Variants in CSMD3 observed in about 807,000 individuals in gnomAD.
CSMD3 encodes the protein CUB and sushi domain-containing protein 3.
Under a neutral mutation model 435.2 loss-of-function variants are expected in CSMD3, and 177 were observed. That is an observed-to-expected ratio of 0.41 (90% CI 0.36 to 0.46). CSMD3 has a LOEUF of 0.46. Among genes scored for constraint, CSMD3 ranks in the 20% least tolerant of loss-of-function variants. The probability of loss-of-function intolerance (pLI) is 0.34; values close to 1 mark genes in which losing one functional copy is unlikely to be tolerated. For missense variants in CSMD3, 4,265 were observed against 4,504.6 expected (o/e 0.95, Z 1.52); for synonymous variants, 1,656 against 1,520.5 (o/e 1.09, Z -2.07).
rs1819883224 is a variant in CSMD3, at chr8:112,292,680, A to C, written c.8645T>G (p.Ile2882Ser). The C allele has an allele frequency of 6.2e-7, 1 of 1,613,712 alleles. No individual in the cohort carries two copies. Among genetic ancestry groups the C allele is most frequent in the Non-Finnish European group, 8.5e-7 (1 of 1,179,802 alleles). Residue 2882 changes from isoleucine to serine, a missense_variant, in exon 55 of 71, where the codon ATT (isoleucine) becomes AGT (serine). Ile to Ser is a moderately radical substitution (Grantham distance 142). This residue lies in a region of CSMD3 where 3,255 missense variants were observed against 3,380.2 expected (regional missense o/e 0.96). Coordinates refer to ENST00000297405, the MANE Select transcript of CSMD3 (RefSeq NM_198123.2). The stretch of plus-strand genomic sequence containing the variant: ...CCCATTTCCACTTGTTCTTCCATAA[A>C]TTGGACTACCAGGGTGACCACAGCT... ...PVSCGHPGSP[I>S]YGRTSGNGFN...
chr8:112,958,516 A>C, intron 7 of CSMD3, among the ~76,000 whole-genome samples: 1 of 152,164 alleles, frequency 6.6e-6, no homozygotes, highest in East Asian at 1.9e-4. Flanking sequence ...GTAGTGGATT[A>C]TCACTGTGGC....
chr8:113,042,879 C>A (rs1408309016), intron 5 of CSMD3, among the ~76,000 whole-genome samples: 2 of 152,186 alleles, frequency 1.3e-5, no homozygotes, highest in Admixed American at 1.3e-4. Flanking sequence ...AGGAAGCCAA[C>A]CTCCACGTTG....
chr8:112,994,892 C>A (rs572992050), intron 6 of CSMD3, among the ~76,000 whole-genome samples: 35 of 151,420 alleles, frequency 2.3e-4, no homozygotes, highest in African/African-American at 8.5e-4. Flanking sequence ...ACCAGTGTTA[C>A]AAAAGTCTTT....
At chr8:113,006,199 G>A (rs2086048751) in intron 6 of CSMD3, among the ~76,000 whole-genome samples, 1 of 151,988 alleles carries the variant, frequency 6.6e-6, no homozygotes, top group African/African-American at 2.4e-5. Flanking sequence ...TTCAGTTTGT[G>A]CATACGTCCT....
At chr8:113,372,913 C>G (rs1324407321) in intron 1 of CSMD3, among the ~76,000 whole-genome samples, 4 of 148,326 alleles carry the variant, frequency 2.7e-5, no homozygotes, top group Non-Finnish European at 4.5e-5. Context: ...CGCAGTCCGG[C>G]CTGGGCGACA....
intron 13 of CSMD3, among the ~76,000 whole-genome samples, chr8:112,738,419 A>G (rs1051694011): frequency 1.3e-5 from 2 of 151,822 alleles, no homozygotes; most frequent in African/African-American, 4.8e-5. Context: ...AACTATTTAT[A>G]TAATAATTAT....
At chr8:113,148,217 T>A (rs1178157725) in intron 4 of CSMD3, among the ~76,000 whole-genome samples, 2 of 151,754 alleles carry the variant, frequency 1.3e-5, no homozygotes, top group Admixed American at 6.6e-5. Flanking sequence ...AAATACCAAA[T>A]AATTTTCATC....
At chr8:112,834,033 T>G (rs1284126513) in intron 11 of CSMD3, among the ~76,000 whole-genome samples, 1 of 151,988 alleles carries the variant, frequency 6.6e-6, no homozygotes, top group Non-Finnish European at 1.5e-5. Context: ...ACTCTTGATA[T>G]CCATTATAGT....
Position 112,551,435 on chromosome 8 carries a change from C to T in CSMD3, c.4362-562G>A, listed in dbSNP as rs189970437. On this transcript the variant is annotated intron_variant, in intron 26 of 70. Coordinates refer to ENST00000297405, the MANE Select transcript of CSMD3 (RefSeq NM_198123.2). The stretch of plus-strand genomic sequence containing the variant: ...AGTTTAAGCTAGACAAAATTAGAAT[C>T]GGGTGCTTTTTGTGCTTGGTGCAAA... Among the ~76,000 whole-genome samples the T allele has an allele frequency of 3.5e-3, 537 of 152,080 alleles. 2 individuals are homozygous for T. The highest frequency in any genetic ancestry group is 0.012 in the African/African-American group (516 of 41,512).
intron 1 of CSMD3, among the ~76,000 whole-genome samples, chr8:113,413,407 T>C (rs1018005914): frequency 4.6e-5 from 7 of 152,136 alleles, no homozygotes; most frequent in African/African-American, 1.7e-4. Context: ...TTCTAACTAT[T>C]GCAAATTTGT....
intron 10 of CSMD3, among the ~76,000 whole-genome samples, chr8:112,913,098 T>A (rs1164674651): frequency 1.3e-5 from 2 of 151,954 alleles, no homozygotes; most frequent in Admixed American, 6.6e-5. Context: ...TCTTCAGGGT[T>A]CAACTCAGGT....
At chr8:112,448,756 A>G (rs1200971444) in intron 32 of CSMD3, among the ~76,000 whole-genome samples, 53 of 36,584 alleles carry the variant, frequency 1.4e-3, no homozygotes, top group African/African-American at 3.4e-3. Flanking sequence ...ACAATCTATT[A>G]AAAAAAAAAA....
At chr8:112,985,325 A>T (rs2085215940) in intron 6 of CSMD3, among the ~76,000 whole-genome samples, 1 of 152,104 alleles carries the variant, frequency 6.6e-6, no homozygotes, top group Admixed American at 6.6e-5. Context: ...ACATATTCAG[A>T]AAACTTCAAA....
rs761212665 is a variant in CSMD3, at chr8:112,976,036, A to G, written c.1143T>C (p.Ser381=). 1 of 1,614,042 alleles carries G rather than the reference A, an allele frequency of 6.2e-7. No homozygotes were observed. The highest frequency in any genetic ancestry group is 8.5e-7 in the Non-Finnish European group (1 of 1,179,956). The change falls in exon 7 of 71, where the codon AGT becomes AGC. Residue 381 remains serine (S), a synonymous_variant. Coordinates refer to ENST00000297405, the MANE Select transcript of CSMD3 (RefSeq NM_198123.2). The part of the protein sequence containing the change: ...ASTPADVTVS[S]VTAVTIHRLS... ...GTCTATGGATGGTGACAGCTGTAAC[A>G]CTGGATACAGTAACATCTGCAGGTG...
At chr8:112,786,380 T>C (rs1167451156) in intron 13 of CSMD3, among the ~76,000 whole-genome samples, 10 of 152,182 alleles carry the variant, frequency 6.6e-5, no homozygotes, top group African/African-American at 2.4e-4. Flanking sequence ...TCTTATTTAT[T>C]ACCCCAAAAG....
intron 1 of CSMD3, among the ~76,000 whole-genome samples, chr8:113,426,626 C>G (rs1275598716): frequency 1.3e-5 from 2 of 151,260 alleles, no homozygotes; most frequent in Non-Finnish European, 3.0e-5. Context: ...AAACAAATGG[C>G]TAATAGGAAT....
chr8:113,328,719 T>TTTCC (rs1460451857), intron 1 of CSMD3, among the ~76,000 whole-genome samples: 1 of 145,446 alleles, frequency 6.9e-6, no homozygotes, highest in Non-Finnish European at 1.5e-5. Context: ...TCTTTCTTTC[T>TTTCC]TTCCTTCCTT....
chr8:112,722,336 T>C (rs1361519064), intron 13 of CSMD3, among the ~76,000 whole-genome samples: 1 of 152,128 alleles, frequency 6.6e-6, no homozygotes, highest in Non-Finnish European at 1.5e-5. Flanking sequence ...GCAAACTGGG[T>C]ATATTGAAAA....
intron 5 of CSMD3, among the ~76,000 whole-genome samples, chr8:113,057,299 T>A (rs1340857549): frequency 6.6e-6 from 1 of 152,186 alleles, no homozygotes; most frequent in Non-Finnish European, 1.5e-5. Context: ...AGACCTTGCT[T>A]ATATTATTCA....
Sources: gnomAD v4.1 joint callset for allele counts (sites outside exome capture counted in the v4.1 genomes callset) on GRCh38, gnomAD v4.1.1 for gene constraint, gnomAD v4.1.1 regional missense constraint, MANE v1.5 for transcripts, NCBI Gene and HGNC (gene_info 2026-07-23, HGNC 2026-07-21) for gene names.